CATIP: variants seen among roughly 807,000 people sequenced by gnomAD.
The protein encoded by CATIP is ciliogenesis-associated TTC17-interacting protein.
A neutral mutation model predicts 42.5 loss-of-function variants in CATIP; 40 were observed. The observed-to-expected ratio is 0.94, with a 90% confidence interval of 0.73 to 1.22. CATIP has a LOEUF of 1.22. CATIP is among the 50% of genes most tolerant of loss of function. CATIP has a pLI of 0.00. For synonymous variants in CATIP, 222 were observed against 200.2 expected, an observed-to-expected ratio of 1.11 and a Z score of -0.92; for missense variants, 489 against 496.0, an observed-to-expected ratio of 0.99 and a Z score of 0.13.
rs774612968 is a variant in CATIP, at chr2:218,367,876, C to A, written c.1076C>A (p.Pro359Gln). The change falls in exon 10 of 10, where the codon CCG (proline) becomes CAG (glutamine). Residue 359 changes from proline (P) to glutamine (Q), a missense_variant. Pro to Gln is a moderately conservative substitution (Grantham distance 76). Coordinates refer to ENST00000289388, the MANE Select transcript of CATIP (RefSeq NM_198559.2). The stretch of plus-strand genomic sequence containing the variant: ...TTCGGCCCCTTCGACCCGTGGCGTC[C>A]GTCGTCACCGGCCTTGGGCTCCTCC... ...EFFGPFDPWRPSSPALGSSHR... is the reference protein window; with the variant it reads ...EFFGPFDPWRQSSPALGSSHR... 1.9e-5 allele frequency: 30 copies of A among 1,612,806 alleles called. 2 individuals are homozygous for A. The South Asian group carries it at 2.5e-4, about 14-fold the overall frequency.
intron 2 of CATIP, 105 bp downstream of exon 2, chr2:218,357,292 C>CTCTCTCTCTTT (rs1411311766): frequency 2.7e-6 from 1 of 367,930 alleles, no homozygotes; most frequent in Admixed American, 6.4e-5. Context: ...TCTCTCTCTT[C>CTCTCTCTCTTT]CTTGATTCTC....
chr2:218,364,677 TC>T lies in CATIP; in HGVS notation c.681del (p.Phe228SerfsTer47), dbSNP rs1559105829. 1 of 1,614,018 alleles carries T rather than the reference TC, an allele frequency of 6.2e-7. No homozygotes were observed. Among genetic ancestry groups the T allele is most frequent in the Non-Finnish European group, 8.5e-7 (1 of 1,179,950 alleles). ...CAGGTAGACCATCAGCAGGCTGAAGTCTTCATCGTGGAGCAGACTGTCCACG... is the reference window on the plus strand; with the variant it reads ...CAGGTAGACCATCAGCAGGCTGAAGTTTCATCGTGGAGCAGACTGTCCACG... ...TIQVDHQQAE[V>X]FIVEQTVHAE... On this transcript the variant is annotated frameshift_variant, in exon 7 of 10. Coordinates refer to ENST00000289388, the MANE Select transcript of CATIP (RefSeq NM_198559.2). LOFTEE classifies it high-confidence loss of function.
In CATIP at chr2:218,364,783, G is replaced by A. The variant is rs1206871491; in HGVS notation, c.755+31G>A. 3 of 1,599,608 alleles carry A rather than the reference G, an allele frequency of 1.9e-6. No homozygotes were observed. In the African/African-American group the frequency reaches 4.0e-5, roughly 21 times the overall value. Reference sequence around the variant, plus strand: ...CTGCTGATGGTGGGCCCAGAGGGGTGGTGCTGAGCTTGTAGGTGCTCAAGG... The same window carrying A: ...CTGCTGATGGTGGGCCCAGAGGGGTAGTGCTGAGCTTGTAGGTGCTCAAGG... On this transcript the variant is annotated intron_variant, in intron 7 of 9. Coordinates refer to ENST00000289388, the MANE Select transcript of CATIP (RefSeq NM_198559.2).
chr2:218,366,939 C>A (rs1012971808), intron 7 of CATIP, 85 bp from the exon 8 acceptor site: 45 of 1,057,442 alleles, frequency 4.3e-5, no homozygotes, highest in Non-Finnish European at 6.3e-5. Context: ...CCAAATACCA[C>A]CACACTGGGG....
At position 218,357,201 on chromosome 2, in the gene CATIP, G is replaced by T. The variant is rs755667924; in HGVS notation, c.118+14G>T. The stretch of plus-strand genomic sequence containing the variant: ...TCAGCTCCCTCCGTGAGCTCAGACA[G>T]TGTCGGGGTTGGGGGTGCGGGAGGG... On this transcript the variant is annotated intron_variant, in intron 2 of 9. Coordinates refer to ENST00000289388, the MANE Select transcript of CATIP (RefSeq NM_198559.2). The T allele has an allele frequency of 6.2e-7, 1 of 1,606,074 alleles. No homozygotes were observed. The highest frequency in any genetic ancestry group is 1.1e-5 in the South Asian group (1 of 90,694).
Position 218,367,867 on chromosome 2 carries a change from C to A in CATIP, c.1067C>A (p.Pro356Gln). ...GCCGAGTTCTTCGGCCCCTTCGACC[C>A]GTGGCGTCCGTCGTCACCGGCCTTG... is the stretch of plus-strand genomic sequence containing the variant. ...FAAEFFGPFD[P>Q]WRPSSPALGS... The change falls in exon 10 of 10, where the codon CCG becomes CAG. Residue 356 changes from proline (P) to glutamine (Q), a missense_variant. Pro to Gln is a moderately conservative substitution (Grantham distance 76). Coordinates refer to ENST00000289388, the MANE Select transcript of CATIP (RefSeq NM_198559.2). The A allele has an allele frequency of 6.2e-7, 1 of 1,613,062 alleles. No individual in the cohort carries two copies. The highest frequency in any genetic ancestry group is 2.2e-5 in the East Asian group (1 of 44,870).
rs546516745 is a variant in CATIP, at chr2:218,357,464, T to C, written c.119-70T>C. 2.3e-6 allele frequency: 3 copies of C among 1,330,056 alleles called. No homozygotes were observed. The African/African-American group carries it at 4.3e-5, about 19-fold the overall frequency. 82.4% of individuals were successfully genotyped at this position (1,330,056 alleles called of 1,614,324 possible). A position where few individuals can be genotyped will look rare whatever the true frequency, so the allele number is the denominator to read the frequency against. ...GGGACTGTGGGGACACTGGTGGTCA[T>C]GGGGTCAGAGGATTGGATTGGGGCC... On this transcript the variant is annotated intron_variant, in intron 2 of 9. Transcript: ENST00000289388.
At position 218,367,826 on chromosome 2, in the gene CATIP, C is replaced by T. The variant is rs763211604; in HGVS notation, c.1026C>T (p.Asp342=). 8 of 1,613,172 alleles carry T rather than the reference C, an allele frequency of 5.0e-6. No homozygotes were observed. The highest frequency in any genetic ancestry group is 8.5e-7 in the Non-Finnish European group (1 of 1,179,892). The change falls in exon 10 of 10, where the codon GAC becomes GAT. Residue 342 remains aspartate (D), a synonymous_variant. Coordinates refer to ENST00000289388, the MANE Select transcript of CATIP (RefSeq NM_198559.2). The part of the protein sequence containing the change: ...LLFLLLRQPE[D]VVTFAAEFFG... ...TCCTGCTGCTGCGCCAGCCGGAGGA[C>T]GTGGTCACCTTCGCCGCCGAGTTCT... is the stretch of plus-strand genomic sequence containing the variant.
At chr2:218,358,556 G>A (rs982200204) in intron 4 of CATIP, among the ~76,000 whole-genome samples, 7 of 151,000 alleles carry the variant, frequency 4.6e-5, no homozygotes, top group African/African-American at 1.5e-4. Flanking sequence ...GCAAGACTCC[G>A]TCTCAAGAAA....
At position 218,358,086 on chromosome 2, in the gene CATIP, C is replaced by T. The variant is rs756654722; in HGVS notation, c.369C>T (p.Phe123=). ...TCATGGAACAGCACAGCCAAGACTTCATCAAGGTACTTCCCAGGGCCCCAG... is the reference window on the plus strand; with the variant it reads ...TCATGGAACAGCACAGCCAAGACTTTATCAAGGTACTTCCCAGGGCCCCAG... ...LELMEQHSQD[F]IKFLILPMER... The change falls in exon 4 of 10, where the codon TTC becomes TTT. Residue 123 remains phenylalanine, a synonymous_variant. Coordinates refer to ENST00000289388, the MANE Select transcript of CATIP (RefSeq NM_198559.2). 10 of 1,613,668 alleles carry T rather than the reference C, an allele frequency of 6.2e-6. No individual in the cohort carries two copies. The highest frequency in any genetic ancestry group is 8.5e-6 in the Non-Finnish European group (10 of 1,179,806).
chr2:218,366,803 C>T (rs1695457592), intron 7 of CATIP: 3 of 539,118 alleles, frequency 5.6e-6, no homozygotes, highest in Admixed American at 2.9e-5. Flanking sequence ...GCCTTTCTTC[C>T]GTGCATGAGT....
chr2:218,361,350 G>A (rs917458364), intron 5 of CATIP, among the ~76,000 whole-genome samples: 2 of 151,684 alleles, frequency 1.3e-5, no homozygotes, highest in African/African-American at 2.4e-5. Context: ...CTCCAGCCTG[G>A]GCGACAGAGC....
chr2:218,368,029 C>T lies in CATIP; in HGVS notation c.*65C>T, dbSNP rs941478735. 3.1e-5 allele frequency: 45 copies of T among 1,440,310 alleles called. No individual in the cohort carries two copies. The highest frequency in any genetic ancestry group is 3.8e-5 in the Non-Finnish European group (42 of 1,103,262). 89.2% of individuals were successfully genotyped at this position (1,440,310 alleles called of 1,614,324 possible). ...GGGCTGGGACGCGGGCGGGACGCGC[C>T]GGGGCGGGTGCGCTTTCCGGGCTGC... On this transcript the variant is annotated 3_prime_UTR_variant, in exon 10 of 10. Coordinates refer to ENST00000289388, the MANE Select transcript of CATIP (RefSeq NM_198559.2).
rs1165120790 is a variant in CATIP at position 218,357,580 on chromosome 2, G to A, written c.165G>A (p.Met55Ile). The A allele has an allele frequency of 6.8e-6, 11 of 1,613,924 alleles. No individual in the cohort carries two copies. Among genetic ancestry groups the A allele is most frequent in the Non-Finnish European group, 9.3e-6 (11 of 1,179,978 alleles). The change falls in exon 3 of 10, where the codon ATG becomes ATA. Residue 55 changes from methionine (M) to isoleucine (I), a missense_variant. By Grantham distance (10) the Met-to-Ile change is conservative. Coordinates refer to ENST00000289388, the MANE Select transcript of CATIP (RefSeq NM_198559.2). Reference sequence around the variant, plus strand: ...TGTTCTTCTCTGAGACGCTGGCCATGGTCTCAGACACCGGGGAGCCTCAGG... The same window carrying A: ...TGTTCTTCTCTGAGACGCTGGCCATAGTCTCAGACACCGGGGAGCCTCAGG... The part of the protein sequence containing the change: ...QMLFFSETLA[M>I]VSDTGEPQGE...
At chr2:218,362,352 CAAA>C (rs57836370) in intron 5 of CATIP, among the ~76,000 whole-genome samples, 8 of 78,478 alleles carry the variant, frequency 1.0e-4, no homozygotes, top group Admixed American at 1.6e-4. Context: ...GACCCTGTCT[CAAA>C]AAAAAAAAAA....
At chr2:218,367,130 G>T in intron 8 of CATIP, 30 bp downstream of exon 8, 2 of 1,573,044 alleles carry the variant, frequency 1.3e-6, no homozygotes, top group South Asian at 1.1e-5. Context: ...TGTGCAGGCA[G>T]GGAGAGTTAA....
intron 3 of CATIP, 130 bp downstream of exon 3, chr2:218,357,864 G>T (rs1695090575): frequency 9.9e-6 from 11 of 1,115,944 alleles, no homozygotes; most frequent in Non-Finnish European, 1.4e-5. Context: ...CACGGGGTGG[G>T]AGAGGGATGA....
At chr2:218,359,807 CTTT>C (rs10570162) in intron 4 of CATIP, among the ~76,000 whole-genome samples, 8 of 148,654 alleles carry the variant, frequency 5.4e-5, no homozygotes, top group Admixed American at 6.7e-5. Context: ...GTTGCTGCTG[CTTT>C]TTTTTTTTTA....
intron 7 of CATIP, chr2:218,366,708 G>C (rs1695454557): frequency 2.7e-6 from 1 of 366,572 alleles, no homozygotes; most frequent in Non-Finnish European, 5.2e-6. Flanking sequence ...GGAAGTCCAA[G>C]ATCATGGTGC....
Sources: gnomAD v4.1 joint callset for allele counts (sites outside exome capture counted in the v4.1 genomes callset) on GRCh38, gnomAD v4.1.1 for gene constraint, MANE v1.5 for transcripts, NCBI Gene and HGNC (gene_info 2026-07-23, HGNC 2026-07-21) for gene names.